Variants in CLDN16 observed in about 807,000 individuals in gnomAD.
CLDN16 encodes the protein claudin-16.
CLDN16 carries 13 observed loss-of-function variants against 24.6 expected under a neutral mutation model. That is an observed-to-expected ratio of 0.53 (90% confidence interval 0.34 to 0.84). The LOEUF (loss-of-function observed/expected upper bound fraction) is 0.84. Among genes scored for constraint, CLDN16 ranks in the 40% least tolerant of loss-of-function variants. The pLI, the probability that CLDN16 is intolerant of heterozygous loss-of-function variation, is 0.01. For synonymous variants in CLDN16, 116 were observed against 106.7 expected (o/e 1.09, Z -0.54); for missense variants, 298 against 292.7 (o/e 1.02, Z -0.13).
intron 1 of CLDN16, among the ~76,000 whole-genome samples, chr3:190,394,908 A>C (rs1446715543): frequency 1.3e-5 from 2 of 152,102 alleles, no homozygotes; most frequent in Non-Finnish European, 2.9e-5. Context: ...GATTCTTGGG[A>C]TATCTAATAA....
chr3:190,367,787 C>T (rs938949393), intron 1 of CLDN16, among the ~76,000 whole-genome samples: 2 of 151,896 alleles, frequency 1.3e-5, no homozygotes, highest in Non-Finnish European at 2.9e-5. Flanking sequence ...TTTTTAGTAT[C>T]AGCAAGGTGG....
chr3:190,384,282 T>C (rs1369540516), upstream of CLDN16, among the ~76,000 whole-genome samples: 2 of 152,120 alleles, frequency 1.3e-5, no homozygotes, highest in East Asian at 3.9e-4. Flanking sequence ...TCCTAATAAA[T>C]ATAGAGGGAA....
intron 1 of CLDN16, among the ~76,000 whole-genome samples, chr3:190,349,862 A>G (rs2108634967): frequency 6.6e-6 from 1 of 152,326 alleles, no homozygotes; most frequent in African/African-American, 2.4e-5. Context: ...GTAGAGCCCC[A>G]GTCAAACTGC....
chr3:190,355,551 T>G (rs1202108517), intron 1 of CLDN16, among the ~76,000 whole-genome samples: 2 of 151,882 alleles, frequency 1.3e-5, no homozygotes, highest in African/African-American at 4.8e-5. Context: ...TCTTAAGAAT[T>G]TAAAACAAAA....
chr3:190,370,570 G>A (rs894864335), intron 1 of CLDN16, among the ~76,000 whole-genome samples: 1 of 151,926 alleles, frequency 6.6e-6, no homozygotes, highest in African/African-American at 2.4e-5. Flanking sequence ...TGATCTGAAT[G>A]ATGAGCTAAA....
At chr3:190,382,693 C>G (rs1391793092) in intron 3 of CLDN16, among the ~76,000 whole-genome samples, 1 of 152,106 alleles carries the variant, frequency 6.6e-6, no homozygotes, top group Non-Finnish European at 1.5e-5. Context: ...TTCTCTGAAG[C>G]CTGCCAGAAA....
intron 3 of CLDN16, among the ~76,000 whole-genome samples, chr3:190,406,801 G>A (rs1260933685): frequency 6.7e-6 from 1 of 148,398 alleles, no homozygotes; most frequent in Non-Finnish European, 1.5e-5. Flanking sequence ...GAGTGCAGTG[G>A]CGTGATCTCG....
chr3:190,326,024 G>C (rs1717052548), intron 1 of CLDN16, among the ~76,000 whole-genome samples: 1 of 152,142 alleles, frequency 6.6e-6, no homozygotes, highest in Non-Finnish European at 1.5e-5. Flanking sequence ...AGGGTAGTGA[G>C]GGGTAGTGGT....
At chr3:190,340,368 A>C (rs911918173) in intron 1 of CLDN16, among the ~76,000 whole-genome samples, 1 of 152,184 alleles carries the variant, frequency 6.6e-6, no homozygotes, top group Admixed American at 6.5e-5. Flanking sequence ...TGCAGCGGGG[A>C]GGCCTCACAA....
chr3:190,311,565 T>G, the CLDN16 span, among the ~76,000 whole-genome samples: 1 of 151,858 alleles, frequency 6.6e-6, no homozygotes, highest in East Asian at 1.9e-4. Context: ...CTAGTTTTTT[T>G]CTATTAGTAG....
intron 1 of CLDN16, among the ~76,000 whole-genome samples, chr3:190,348,195 C>T (rs1293936296): frequency 2.9e-5 from 4 of 135,910 alleles, no homozygotes; most frequent in African/African-American, 1.1e-4. Context: ...GCGGAGCTTG[C>T]AGTGAGCTGA....
At chr3:190,327,207 T>G (rs1429472923) in intron 1 of CLDN16, among the ~76,000 whole-genome samples, 4 of 152,220 alleles carry the variant, frequency 2.6e-5, no homozygotes, top group Non-Finnish European at 5.9e-5. Context: ...GTCTGAAATT[T>G]TTTAGGTTTC....
chr3:190,398,015 A>G (rs11915813), intron 1 of CLDN16, among the ~76,000 whole-genome samples: 21,274 of 152,252 alleles, frequency 0.14, 1,543 homozygotes, highest in Middle Eastern at 0.21. Context: ...TGGCTTATAC[A>G]GTAAGAAATT....
Position 190,351,138 on chromosome 3 carries a change from G to T in CLDN16, n.122-19755G>T, listed in dbSNP as rs578244134. ...CCCCCACCCCCTTGGTCCCTCTCTT[G>T]CCATATAGATAAGTCTGTTCATTTT... On this transcript the variant is annotated intron_variant and non_coding_transcript_variant, in intron 1 of 4. Coordinates refer to the CLDN16 transcript ENST00000468220. Among the ~76,000 whole-genome samples, 398 of 151,406 alleles carry T rather than the reference G, an allele frequency of 2.6e-3. 3 individuals carry two copies. Among genetic ancestry groups the T allele is most frequent in the Non-Finnish European group, 4.3e-3 (291 of 67,910 alleles).
At chr3:190,349,678 G>A (rs1011538957) in intron 1 of CLDN16, among the ~76,000 whole-genome samples, 1 of 152,192 alleles carries the variant, frequency 6.6e-6, no homozygotes, top group African/African-American at 2.4e-5. Flanking sequence ...GACATGAGGT[G>A]AAAATGATAG....
intron 1 of CLDN16, among the ~76,000 whole-genome samples, chr3:190,328,900 G>A (rs1717125934): frequency 6.6e-6 from 1 of 152,072 alleles, no homozygotes; most frequent in South Asian, 2.1e-4. Flanking sequence ...CAGCTCTATG[G>A]TTTCTGATTT....
rs368643901 is a variant in CLDN16, at chr3:190,389,918, C to T, written c.114+1475C>T. Among the ~76,000 whole-genome samples the T allele has an allele frequency of 2.6e-5, 4 of 152,072 alleles. No individual in the cohort carries two copies. In the South Asian group the frequency reaches 6.2e-4, roughly 24 times the overall value. ...GGCATTGTTAAAATATTTTCTAAAA[C>T]AATTTAAAAGTCTTTCTGCTTAAGC... On this transcript the variant is annotated intron_variant, in intron 1 of 4. Coordinates refer to ENST00000264734, the MANE Select transcript of CLDN16 (RefSeq NM_006580.4).
intron 2 of CLDN16, among the ~76,000 whole-genome samples, chr3:190,372,309 T>C (rs564015647): frequency 3.9e-5 from 6 of 151,990 alleles, no homozygotes; most frequent in African/African-American, 1.2e-4. Context: ...TTTACTGATG[T>C]TCTCTGAACT....
chr3:190,310,473 CT>C, the CLDN16 span, among the ~76,000 whole-genome samples: 1 of 152,066 alleles, frequency 6.6e-6, no homozygotes, highest in South Asian at 2.1e-4. Flanking sequence ...AAAATTTATA[CT>C]TTTTTATGAT....
Sources: allele counts gnomAD v4.1 joint callset (sites outside exome capture counted in the v4.1 genomes callset), GRCh38; gene constraint gnomAD v4.1.1; transcripts MANE v1.5; gene names NCBI Gene and HGNC (gene_info 2026-07-23, HGNC 2026-07-21).